The following ARHGAP15 variants were observed in gnomAD, a reference collection of about 807,000 sequenced individuals.
The protein encoded by ARHGAP15 is rho GTPase-activating protein 15.
ARHGAP15 carries 51 observed loss-of-function variants against 63.7 expected under a neutral mutation model. The ratio of observed to expected loss-of-function variants is 0.80; its 90% CI spans 0.64 to 1.01. ARHGAP15 has a LOEUF of 1.01. ARHGAP15 is among the 50% of genes least tolerant of loss of function. The pLI is 0.00. For missense variants in ARHGAP15, 560 were observed against 564.6 expected (o/e 0.99, Z 0.08); for synonymous variants, 191 against 193.8 (o/e 0.99, Z 0.12).
chr2:143,549,468 G>A (rs1695467672), intron 10 of ARHGAP15, among the ~76,000 whole-genome samples: 1 of 152,138 alleles, frequency 6.6e-6, no homozygotes, highest in South Asian at 2.1e-4. Flanking sequence ...ATTAGGCACA[G>A]TTCTTTCCAG....
At chr2:143,670,714 C>T (rs1445463381) in intron 12 of ARHGAP15, among the ~76,000 whole-genome samples, 3 of 152,180 alleles carry the variant, frequency 2.0e-5, no homozygotes, top group African/African-American at 7.2e-5. Context: ...CTTATTCCAT[C>T]ATCAGGTCCA....
chr2:143,327,530 T>C (rs141677138), intron 6 of ARHGAP15, among the ~76,000 whole-genome samples: 1 of 152,180 alleles, frequency 6.6e-6, no homozygotes, highest in Non-Finnish European at 1.5e-5. Flanking sequence ...AACAGCTTGG[T>C]ACTGGTACCA....
At chr2:143,281,644 T>C (rs1273245923) in intron 6 of ARHGAP15, among the ~76,000 whole-genome samples, 2 of 152,128 alleles carry the variant, frequency 1.3e-5, no homozygotes, top group African/African-American at 2.4e-5. Context: ...CCTCTTTACA[T>C]TGGCCAACTG....
chr2:143,215,115 A>G (rs1298636641), intron 3 of ARHGAP15, among the ~76,000 whole-genome samples: 1 of 152,250 alleles, frequency 6.6e-6, no homozygotes, highest in Non-Finnish European at 1.5e-5. Context: ...CTGCAGGCAC[A>G]GATAAATAAA....
chr2:143,315,568 C>A (rs1421345950), intron 6 of ARHGAP15, among the ~76,000 whole-genome samples: 1 of 152,132 alleles, frequency 6.6e-6, no homozygotes, highest in Non-Finnish European at 1.5e-5. Flanking sequence ...AAAAACTCCC[C>A]AGGTGCTCCT....
chr2:143,363,295 C>G (rs1257249295), intron 6 of ARHGAP15, among the ~76,000 whole-genome samples: 1 of 152,168 alleles, frequency 6.6e-6, no homozygotes, highest in Non-Finnish European at 1.5e-5. Context: ...AATCCCAGCA[C>G]TTTTGGAGGC....
intron 6 of ARHGAP15, among the ~76,000 whole-genome samples, chr2:143,335,461 CCTT>C (rs79924729): frequency 0.17 from 25,654 of 151,956 alleles, 2,421 homozygotes; most frequent in East Asian, 0.41. Context: ...TAGTAGTCCC[CCTT>C]CTTGCATAGT....
At chr2:143,331,510 C>T (rs1253803884) in intron 6 of ARHGAP15, among the ~76,000 whole-genome samples, 1 of 152,168 alleles carries the variant, frequency 6.6e-6, no homozygotes, top group Non-Finnish European at 1.5e-5. Flanking sequence ...TAATGAGTAA[C>T]TATCATTCAA....
At chr2:143,404,378 CT>C (rs1379142201) in intron 6 of ARHGAP15, among the ~76,000 whole-genome samples, 7 of 151,638 alleles carry the variant, frequency 4.6e-5, no homozygotes, top group Non-Finnish European at 2.9e-5. Flanking sequence ...GATAGAGACC[CT>C]AAGATATGTA....
chr2:143,311,776 C>A (rs1183066322), intron 6 of ARHGAP15, among the ~76,000 whole-genome samples: 3 of 152,136 alleles, frequency 2.0e-5, no homozygotes, highest in African/African-American at 7.2e-5. Context: ...TTTCTTTCTT[C>A]TCCCATGGAT....
intron 1 of ARHGAP15, among the ~76,000 whole-genome samples, chr2:143,153,849 C>T (rs111940988): frequency 0.014 from 630 of 43,928 alleles, 12 homozygotes; most frequent in South Asian, 0.068. Context: ...CTTCTTCCTC[C>T]TCCTCCTCCT....
intron 9 of ARHGAP15, among the ~76,000 whole-genome samples, chr2:143,513,073 C>A (rs1693659829): frequency 6.6e-6 from 1 of 152,160 alleles, no homozygotes; most frequent in Non-Finnish European, 1.5e-5. Flanking sequence ...ACTCCAGAGC[C>A]CCACCTTCTT....
chr2:143,219,720 A>G (rs1001897814), intron 4 of ARHGAP15, among the ~76,000 whole-genome samples: 24 of 152,316 alleles, frequency 1.6e-4, no homozygotes, highest in Middle Eastern at 3.4e-3. Flanking sequence ...CCACAGTTTT[A>G]TCAGCACGTA....
chr2:143,721,166 C>G (rs1685041824), intron 13 of ARHGAP15, among the ~76,000 whole-genome samples: 1 of 151,598 alleles, frequency 6.6e-6, no homozygotes, highest in South Asian at 2.1e-4. Flanking sequence ...TGCTGCTGGT[C>G]TGCAGACCAC....
intron 6 of ARHGAP15, among the ~76,000 whole-genome samples, chr2:143,337,813 T>TG (rs1349490824): frequency 2.0e-5 from 3 of 152,170 alleles, no homozygotes; most frequent in Admixed American, 2.0e-4. Flanking sequence ...AGAATGCCAT[T>TG]GGCCTATGAT....
intron 10 of ARHGAP15, among the ~76,000 whole-genome samples, chr2:143,530,546 T>C (rs1383513777): frequency 6.6e-6 from 1 of 152,160 alleles, no homozygotes; most frequent in African/African-American, 2.4e-5. Flanking sequence ...CAAAATATTA[T>C]GCTCTTTTTT....
Position 143,373,645 on chromosome 2 carries a change from A to C in ARHGAP15, c.475-61956A>C, listed in dbSNP as rs1339976390. Among the ~76,000 whole-genome samples, 938 of 149,832 alleles carry C rather than the reference A, an allele frequency of 6.3e-3. 13 individuals are homozygous for C. Among genetic ancestry groups the C allele is most frequent in the African/African-American group, 0.021 (853 of 40,854 alleles). On this transcript the variant is annotated intron_variant, in intron 6 of 13. Coordinates refer to ENST00000295095, the MANE Select transcript of ARHGAP15 (RefSeq NM_018460.4). ...ACTCTATCTCAAAAAAAAAAAAAAAAAAAAAAAAAAAAAAACACAGAAATG... is the reference window on the plus strand; with the variant it reads ...ACTCTATCTCAAAAAAAAAAAAAAACAAAAAAAAAAAAAAACACAGAAATG...
At chr2:143,366,672 T>C (rs1686305943) in intron 6 of ARHGAP15, among the ~76,000 whole-genome samples, 1 of 152,084 alleles carries the variant, frequency 6.6e-6, no homozygotes, top group Non-Finnish European at 1.5e-5. Context: ...GTTTATTATT[T>C]GAAGATTTAT....
chr2:143,584,036 C>A (rs1697010170), intron 11 of ARHGAP15, among the ~76,000 whole-genome samples: 1 of 152,084 alleles, frequency 6.6e-6, no homozygotes, highest in African/African-American at 2.4e-5. Context: ...TTAATATATA[C>A]CGAATGAGAA....
Sources: gnomAD v4.1 joint callset for allele counts (sites outside exome capture counted in the v4.1 genomes callset) on GRCh38, gnomAD v4.1.1 for gene constraint, MANE v1.5 for transcripts, NCBI Gene and HGNC (gene_info 2026-07-23, HGNC 2026-07-21) for gene names.